PBX1: variants seen among roughly 807,000 people sequenced by gnomAD.
PBX1 encodes the protein PBX homeobox 1.
A neutral mutation model predicts 53.4 loss-of-function variants in PBX1; 6 were observed. The ratio of observed to expected loss-of-function variants is 0.11; its 90% CI spans 0.06 to 0.22. The LOEUF (loss-of-function observed/expected upper bound fraction) is 0.22, where lower values mean the gene tolerates loss of function less well. Ranked by LOEUF, PBX1 falls within the 10% of genes least tolerant of loss-of-function variation. The pLI is 1.00. For missense variants in PBX1, 251 were observed against 551.4 expected (o/e 0.46, Z 5.46); for synonymous variants, 204 against 212.3 (o/e 0.96, Z 0.34).
At chr1:164,881,623 A>AAGGAAAG (rs1553256534) in intron 2 of PBX1, among the ~76,000 whole-genome samples, 2 of 150,876 alleles carry the variant, frequency 1.3e-5, no homozygotes, top group African/African-American at 2.4e-5. Flanking sequence ...AAGGAAAGGA[A>AAGGAAAG]GAAGAAAAAA....
At chr1:164,678,800 C>G (rs927312647) in intron 2 of PBX1, among the ~76,000 whole-genome samples, 2 of 152,176 alleles carry the variant, frequency 1.3e-5, no homozygotes, top group Non-Finnish European at 2.9e-5. Context: ...CTCTCTCATC[C>G]TCAGTCGGCA....
intron 2 of PBX1, among the ~76,000 whole-genome samples, chr1:164,584,893 C>T (rs1039359117): frequency 2.7e-4 from 41 of 152,088 alleles, no homozygotes; most frequent in African/African-American, 9.7e-4. Context: ...TTTTCTTTTT[C>T]CCCCTCTTTT....
intron 2 of PBX1, among the ~76,000 whole-genome samples, chr1:164,655,755 T>C (rs1050368850): frequency 3.3e-5 from 5 of 152,214 alleles, no homozygotes; most frequent in African/African-American, 9.6e-5. Context: ...TGTAAAACAT[T>C]GTATATAGTT....
intron 8 of PBX1, among the ~76,000 whole-genome samples, chr1:164,834,677 T>G (rs1670946130): frequency 6.6e-6 from 1 of 152,184 alleles, no homozygotes; most frequent in Non-Finnish European, 1.5e-5. Context: ...AAAAAACAAC[T>G]ATTAACACTC....
intron 2 of PBX1, among the ~76,000 whole-genome samples, chr1:164,746,929 A>G (rs1665924771): frequency 6.6e-6 from 1 of 152,156 alleles, no homozygotes; most frequent in South Asian, 2.1e-4. Context: ...TCTTTTGCAT[A>G]TCGGGCTTCT....
chr1:164,823,761 A>T (rs1670284634), intron 8 of PBX1, among the ~76,000 whole-genome samples: 1 of 152,176 alleles, frequency 6.6e-6, no homozygotes, highest in Admixed American at 6.5e-5. Context: ...ATGCCACTTG[A>T]AAGAGTCTCT....
intron 2 of PBX1, among the ~76,000 whole-genome samples, chr1:164,731,582 C>T (rs1387391): frequency 0.051 from 7,738 of 152,230 alleles, 226 homozygotes; most frequent in South Asian, 0.13. Context: ...AAACAACATG[C>T]AAATGAGGCT....
At chr1:164,603,961 T>TTTTTA (rs1553214847) in intron 2 of PBX1, among the ~76,000 whole-genome samples, 7 of 132,030 alleles carry the variant, frequency 5.3e-5, no homozygotes, top group African/African-American at 2.0e-4. Context: ...TTTTTTTTTT[T>TTTTTA]TAGAGATGAG....
chr1:164,641,682 C>T (rs1659157029), intron 2 of PBX1: 1 of 152,204 alleles, frequency 6.6e-6, no homozygotes, highest in African/African-American at 2.4e-5. Context: ...GTCTTTTTTC[C>T]AGTACTTACT....
intron 2 of PBX1, among the ~76,000 whole-genome samples, chr1:164,875,273 C>A (rs375420042): frequency 1.3e-5 from 2 of 152,168 alleles, no homozygotes; most frequent in East Asian, 3.9e-4. Context: ...CATAAGGGAG[C>A]CCCAGAACAA....
intron 2 of PBX1, among the ~76,000 whole-genome samples, chr1:164,694,606 C>T (rs954983513): frequency 2.6e-5 from 4 of 152,318 alleles, no homozygotes; most frequent in African/African-American, 9.6e-5. Flanking sequence ...CCAGAGCAGA[C>T]CTCATCAATC....
At chr1:164,826,082 T>G (rs914732518) in intron 8 of PBX1, among the ~76,000 whole-genome samples, 2 of 152,172 alleles carry the variant, frequency 1.3e-5, no homozygotes, top group African/African-American at 4.8e-5. Context: ...GTGTTGTTGC[T>G]TCATCTGTAA....
chr1:164,680,499 T>C (rs1661696094), intron 2 of PBX1: 1 of 152,260 alleles, frequency 6.6e-6, no homozygotes, highest in African/African-American at 2.4e-5. Flanking sequence ...TTTATACTCT[T>C]ATGCAGTGGA....
At chr1:164,662,662 C>T (rs1331149746) in intron 2 of PBX1, among the ~76,000 whole-genome samples, 1 of 152,112 alleles carries the variant, frequency 6.6e-6, no homozygotes, top group Non-Finnish European at 1.5e-5. Context: ...TGGATCAAGG[C>T]CTCTTGCACA....
At chr1:164,707,032 T>C (rs1362124667) in intron 2 of PBX1, among the ~76,000 whole-genome samples, 2 of 152,020 alleles carry the variant, frequency 1.3e-5, no homozygotes, top group Non-Finnish European at 2.9e-5. Flanking sequence ...TAGTGGTGAG[T>C]TGAAAGGGAC....
At chr1:164,688,394 A>G (rs1388053439) in intron 2 of PBX1, among the ~76,000 whole-genome samples, 2 of 152,228 alleles carry the variant, frequency 1.3e-5, no homozygotes, top group Non-Finnish European at 1.5e-5. Context: ...AGAACTTTTA[A>G]TAAAGTTGCA....
In PBX1 at chr1:164,848,266, C is replaced by A. The variant is rs1671666143; in HGVS notation, c.*1590C>A. 1 of 1,055,878 alleles carries A rather than the reference C, an allele frequency of 9.5e-7. No individual in the cohort carries two copies. The highest frequency in any genetic ancestry group is 1.1e-6 in the Non-Finnish European group (1 of 873,566). 65.4% of individuals were successfully genotyped at this position (1,055,878 alleles called of 1,614,324 possible). A position where few individuals can be genotyped will look rare whatever the true frequency, so the allele number is the denominator to read the frequency against. On this transcript the variant is annotated 3_prime_UTR_variant, in exon 9 of 9. Coordinates refer to ENST00000420696, the MANE Select transcript of PBX1 (RefSeq NM_002585.4). ...AAAAGTCACCTGAGCTCACCATCTT[C>A]ATAGCCAACCCTACCAGTTATAAAG...
intron 2 of PBX1, among the ~76,000 whole-genome samples, chr1:164,761,510 T>A (rs1027413554): frequency 6.6e-6 from 1 of 152,018 alleles, no homozygotes; most frequent in Non-Finnish European, 1.5e-5. Context: ...AGTGGCGCGA[T>A]CTCGACTCAC....
chr1:164,690,144 G>A (rs1022375321), intron 2 of PBX1, among the ~76,000 whole-genome samples: 42 of 152,182 alleles, frequency 2.8e-4, no homozygotes, highest in African/African-American at 7.9e-4. Context: ...GCTCCTCCTC[G>A]GCCTCCCCTC....
Sources: allele counts gnomAD v4.1 joint callset (sites outside exome capture counted in the v4.1 genomes callset), GRCh38; gene constraint gnomAD v4.1.1; transcripts MANE v1.5; gene names NCBI Gene and HGNC (gene_info 2026-07-23, HGNC 2026-07-21).